NTRK3: variants seen among roughly 807,000 people sequenced by gnomAD.
NTRK3 encodes NT-3 growth factor receptor.
A neutral mutation model predicts 91.7 loss-of-function variants in NTRK3; 24 were observed. That is an observed-to-expected ratio of 0.26 (90% CI 0.19 to 0.37). NTRK3 has a LOEUF of 0.37. NTRK3 is among the 10% of genes least tolerant of loss of function. NTRK3 has a pLI of 1.00. For missense variants in NTRK3, 880 were observed against 1,068.9 expected, an observed-to-expected ratio of 0.82 and a Z score of 2.46; for synonymous variants, 483 against 404.0, an observed-to-expected ratio of 1.20 and a Z score of -2.34.
intron 13 of NTRK3, among the ~76,000 whole-genome samples, chr15:88,053,668 T>C (rs1056789127): frequency 3.3e-5 from 5 of 152,204 alleles, no homozygotes; most frequent in African/African-American, 1.2e-4. Context: ...GGGAAAATAA[T>C]AGCACCTACT....
chr15:88,086,348 A>C (rs537232417), intron 13 of NTRK3, among the ~76,000 whole-genome samples: 62 of 152,316 alleles, frequency 4.1e-4, no homozygotes, highest in Middle Eastern at 3.4e-3. Context: ...CTAAGCTGAG[A>C]TGTGCTGTAA....
intron 3 of NTRK3, among the ~76,000 whole-genome samples, chr15:88,209,232 C>T (rs1276895517): frequency 6.6e-6 from 1 of 152,126 alleles, no homozygotes; most frequent in Non-Finnish European, 1.5e-5. Flanking sequence ...AGCAGCTGCC[C>T]CAAACCTCTG....
At chr15:87,898,823 TAAAAAAAAAAAA>T (rs34425235) in intron 17 of NTRK3, among the ~76,000 whole-genome samples, 1 of 103,986 alleles carries the variant, frequency 9.6e-6, no homozygotes, top group South Asian at 3.6e-4. Flanking sequence ...CTGTCTCTAC[TAAAAAAAAAAAA>T]AAAAAAAAAA....
At position 87,976,573 on chromosome 15, in the gene NTRK3, C is replaced by A. The variant is rs368014608; in HGVS notation, c.1586-35820G>T. 2.6e-5 allele frequency among the ~76,000 whole-genome samples: 4 copies of A among 152,188 alleles called. No individual in the cohort carries two copies. The East Asian group carries it at 5.8e-4, about 22-fold the overall frequency. On this transcript the variant is annotated intron_variant, in intron 14 of 18. Transcript: ENST00000394480. ...CATACAGGGCCTCACGGTGTCCTCTCCTCCTGAAAGGAAGAGGGCAAGTTA... is the reference window on the plus strand; with the variant it reads ...CATACAGGGCCTCACGGTGTCCTCTACTCCTGAAAGGAAGAGGGCAAGTTA...
intron 3 of NTRK3, among the ~76,000 whole-genome samples, chr15:88,198,736 C>T (rs1044194600): frequency 6.6e-6 from 1 of 152,202 alleles, no homozygotes; most frequent in Non-Finnish European, 1.5e-5. Context: ...TTCCCAGAAG[C>T]TTCTCCTTGA....
At chr15:87,867,512 T>C (rs754156584) in exon 19 of NTRK3, 3 of 229,704 alleles carry the variant, frequency 1.3e-5, no homozygotes, top group Non-Finnish European at 1.7e-5. Flanking sequence ...ATTTCAGTGA[T>C]AACCAACTTG....
At chr15:87,973,656 G>T (rs970782580) in intron 14 of NTRK3, among the ~76,000 whole-genome samples, 1 of 152,098 alleles carries the variant, frequency 6.6e-6, no homozygotes, top group Non-Finnish European at 1.5e-5. Flanking sequence ...TGTGGTGGGT[G>T]GGGGAGAGCT....
chr15:87,861,963 G>C (rs1401134012), exon 19 of NTRK3: 1 of 213,854 alleles, frequency 4.7e-6, no homozygotes, highest in Non-Finnish European at 9.4e-6. Context: ...TCTGTTCTAA[G>C]GGAAAATAAC....
At position 87,933,002 on chromosome 15, in the gene NTRK3, C is replaced by A; in HGVS notation, c.1889+10G>T. 2 of 1,613,870 alleles carry A rather than the reference C, an allele frequency of 1.2e-6. No individual in the cohort carries two copies. Among genetic ancestry groups the A allele is most frequent in the Non-Finnish European group, 1.7e-6 (2 of 1,179,980 alleles). ...GGGGTCAGGTGCAGGGGAAGACAAT[C>A]CTTGCTTACCTGAGGAACTTATTCA... On this transcript the variant is annotated intron_variant, in intron 16 of 18. Transcript: ENST00000394480.
In NTRK3 at chr15:88,243,455, G is replaced by A. The variant is rs541584266; in HGVS notation, c.248+12451C>T. 9.9e-5 allele frequency among the ~76,000 whole-genome samples: 15 copies of A among 151,950 alleles called. No individual in the cohort carries two copies. The East Asian group carries it at 2.7e-3, about 27-fold the overall frequency. On this transcript the variant is annotated intron_variant, in intron 3 of 18. Coordinates refer to ENST00000394480, the Ensembl canonical transcript of NTRK3. The surrounding 1 kb of genome is among the most constrained non-coding windows in gnomAD (Gnocchi z 4.8). The stretch of plus-strand genomic sequence containing the variant: ...GCTACTCCTCTGCTGAGAGGAGGCT[G>A]GAGTTTCTTCACCAGTAAAGCCCAA...
At chr15:88,071,367 A>G (rs947244409) in intron 13 of NTRK3, among the ~76,000 whole-genome samples, 6 of 152,252 alleles carry the variant, frequency 3.9e-5, no homozygotes, top group Non-Finnish European at 5.9e-5. Flanking sequence ...CCTGCTGCCG[A>G]GATTTCAACC....
chr15:88,167,457 ACT>A (rs2045082928), intron 5 of NTRK3, among the ~76,000 whole-genome samples: 1 of 152,138 alleles, frequency 6.6e-6, no homozygotes, highest in Non-Finnish European at 1.5e-5. Flanking sequence ...CTACTCTACT[ACT>A]TCTAGCTGTG....
At chr15:88,042,149 C>T (rs1369497653) in intron 13 of NTRK3, among the ~76,000 whole-genome samples, 1 of 152,080 alleles carries the variant, frequency 6.6e-6, no homozygotes, top group African/African-American at 2.4e-5. Flanking sequence ...AGCTTCGCAT[C>T]AACAAATCTG....
rs1016702272 is a variant in NTRK3 at position 87,876,380 on chromosome 15, C to T, written c.*555G>A. 23 of 229,090 alleles carry T rather than the reference C, an allele frequency of 1.0e-4. 1 individual carries two copies. The East Asian group carries it at 1.4e-3, about 14-fold the overall frequency. The allele number at this position is 229,090 out of a possible 1,614,324, so 14.2% of individuals were successfully genotyped here. ...ACCCTGCTCAGGCATCATTTCTTTG[C>T]TGAGCACAGCCATGCAGTCCCCACA... On this transcript the variant is annotated 3_prime_UTR_variant, in exon 19 of 19. Coordinates refer to ENST00000394480, the Ensembl canonical transcript of NTRK3.
At chr15:87,982,954 C>T (rs1159463499) in intron 14 of NTRK3, among the ~76,000 whole-genome samples, 1 of 152,220 alleles carries the variant, frequency 6.6e-6, no homozygotes, top group Non-Finnish European at 1.5e-5. Flanking sequence ...ACTCTTTCCA[C>T]CTGACTGTGG....
chr15:87,885,483 T>TG (rs2065484278), intron 17 of NTRK3, among the ~76,000 whole-genome samples: 4 of 151,894 alleles, frequency 2.6e-5, no homozygotes, highest in Admixed American at 2.6e-4. Context: ...GGAGAGTTAC[T>TG]CTATCAGATA....
intron 13 of NTRK3, among the ~76,000 whole-genome samples, chr15:88,071,394 G>A (rs1461168727): frequency 6.6e-6 from 1 of 152,216 alleles, no homozygotes; most frequent in African/African-American, 2.4e-5. Context: ...TTCTGTTTGG[G>A]TTTCTCTTCC....
intron 14 of NTRK3, among the ~76,000 whole-genome samples, chr15:87,945,803 GAAAAAAAAAA>G (rs34162356): frequency 4.5e-4 from 48 of 106,768 alleles, no homozygotes; most frequent in East Asian, 2.6e-3. Flanking sequence ...TGAAGACTGG[GAAAAAAAAAA>G]AAAAAAAAAA....
intron 5 of NTRK3, among the ~76,000 whole-genome samples, chr15:88,158,431 G>A (rs1273555383): frequency 6.6e-6 from 1 of 152,192 alleles, no homozygotes; most frequent in Non-Finnish European, 1.5e-5. Context: ...CTGGTGTGCT[G>A]CCTCCTGCAG....
Sources: allele counts gnomAD v4.1 joint callset (sites outside exome capture counted in the v4.1 genomes callset), GRCh38; gene constraint gnomAD v4.1.1; non-coding constraint Gnocchi (gnomAD v3.1); transcripts MANE v1.5; gene names NCBI Gene and HGNC (gene_info 2026-07-23, HGNC 2026-07-21).